Variants in CHN1 observed in about 807,000 individuals in gnomAD.
CHN1 encodes N-chimaerin.
Under a neutral mutation model 59.5 loss-of-function variants are expected in CHN1, and 37 were observed. The ratio of observed to expected loss-of-function variants is 0.62; its 90% CI spans 0.48 to 0.82. The LOEUF (loss-of-function observed/expected upper bound fraction) is 0.82, where lower values mean the gene tolerates loss of function less well. Among genes scored for constraint, CHN1 ranks in the 40% least tolerant of loss-of-function variants. The probability of loss-of-function intolerance (pLI) is 0.00; values close to 1 mark genes in which losing one functional copy is unlikely to be tolerated. For synonymous variants in CHN1, 206 were observed against 200.4 expected, an observed-to-expected ratio of 1.03 and a Z score of -0.24; for missense variants, 469 against 571.0, an observed-to-expected ratio of 0.82 and a Z score of 1.82.
At chr2:174,976,528 G>A (rs544319552) in intron 1 of CHN1, among the ~76,000 whole-genome samples, 4 of 152,180 alleles carry the variant, frequency 2.6e-5, no homozygotes, top group East Asian at 1.9e-4. Context: ...ATGAGCCACC[G>A]CACCCAGCTG....
chr2:174,971,316 T>G (rs1243465503), intron 1 of CHN1, among the ~76,000 whole-genome samples: 1 of 152,176 alleles, frequency 6.6e-6, no homozygotes, highest in Non-Finnish European at 1.5e-5. Context: ...TGACTCCGTC[T>G]CTTAAAAAAA....
At chr2:174,838,119 A>G (rs1686156254) in intron 7 of CHN1, among the ~76,000 whole-genome samples, 2 of 151,580 alleles carry the variant, frequency 1.3e-5, no homozygotes, top group African/African-American at 4.9e-5. Context: ...TTTGAGATGG[A>G]GTTTGCTCTT....
chr2:174,971,315 C>G (rs1475652094), intron 1 of CHN1, among the ~76,000 whole-genome samples: 1 of 151,866 alleles, frequency 6.6e-6, no homozygotes, highest in Non-Finnish European at 1.5e-5. Context: ...GTGACTCCGT[C>G]TCTTAAAAAA....
At chr2:174,906,753 T>C (rs1688554947) in intron 5 of CHN1, among the ~76,000 whole-genome samples, 1 of 152,174 alleles carries the variant, frequency 6.6e-6, no homozygotes, top group Admixed American at 6.5e-5. Context: ...TAGAAGGCAG[T>C]CTTTTTTGGT....
At chr2:174,963,044 CTAATA>C (rs1262595861) in intron 1 of CHN1, among the ~76,000 whole-genome samples, 1 of 151,872 alleles carries the variant, frequency 6.6e-6, no homozygotes, top group Non-Finnish European at 1.5e-5. Context: ...CTTTTCATAC[CTAATA>C]TAAAAGATAA....
At chr2:174,982,008 C>T (rs1040281990) in intron 1 of CHN1, among the ~76,000 whole-genome samples, 1 of 152,162 alleles carries the variant, frequency 6.6e-6, no homozygotes, top group Non-Finnish European at 1.5e-5. Context: ...CATGTGTTCT[C>T]ATTGTTCAAT....
In CHN1 at chr2:174,998,633, G is replaced by A. The variant is rs1691789084; in HGVS notation, c.19+6261C>T. Among the ~76,000 whole-genome samples the A allele has an allele frequency of 1.3e-5, 2 of 152,170 alleles. 1 individual carries two copies. The highest frequency in any genetic ancestry group is 4.1e-4 in the South Asian group (2 of 4,832). ...CTCTATGCCAGGCCACTGAGCAGCT[G>A]GTGACATGCTGGCCTGACTCATCTT... On this transcript the variant is annotated intron_variant, in intron 1 of 12. Coordinates refer to ENST00000409900, the MANE Select transcript of CHN1 (RefSeq NM_001822.7).
intron 3 of CHN1, among the ~76,000 whole-genome samples, chr2:174,919,508 G>A (rs1688944558): frequency 1.3e-5 from 2 of 152,160 alleles, no homozygotes; most frequent in Non-Finnish European, 1.5e-5. Context: ...TATTTACTAT[G>A]TGTTTTAGTT....
At chr2:174,912,452 A>G (rs991190787) in intron 5 of CHN1, among the ~76,000 whole-genome samples, 1 of 152,198 alleles carries the variant, frequency 6.6e-6, no homozygotes, top group East Asian at 1.9e-4. Context: ...TTTGGGAGAA[A>G]AGTGTTGAGT....
chr2:174,856,366 T>C (rs900424524), intron 6 of CHN1, among the ~76,000 whole-genome samples: 6 of 152,246 alleles, frequency 3.9e-5, no homozygotes, highest in Non-Finnish European at 5.9e-5. Context: ...ATAAGGCACA[T>C]CAGTGCATCC....
intron 6 of CHN1, among the ~76,000 whole-genome samples, chr2:174,858,911 G>C (rs1461717451): frequency 6.8e-6 from 1 of 147,488 alleles, no homozygotes; most frequent in Non-Finnish European, 1.5e-5. Context: ...AAAGATTAAA[G>C]GATGATTAAT....
chr2:174,811,988 T>C (rs1685092029), intron 9 of CHN1: 4 of 260,338 alleles, frequency 1.5e-5, no homozygotes, highest in Non-Finnish European at 2.9e-5. Context: ...ATTTATACTT[T>C]TGCTTTTTGA....
intron 6 of CHN1, among the ~76,000 whole-genome samples, chr2:174,867,945 T>C (rs898842751): frequency 1.3e-5 from 2 of 152,186 alleles, no homozygotes; most frequent in African/African-American, 2.4e-5. Flanking sequence ...GCAATGAACA[T>C]GGGTTACTTA....
intron 1 of CHN1, among the ~76,000 whole-genome samples, chr2:174,956,112 T>G (rs1690195860): frequency 6.6e-6 from 1 of 152,184 alleles, no homozygotes; most frequent in Non-Finnish European, 1.5e-5. Context: ...AAATAACTTT[T>G]CCATTGGAGA....
At chr2:174,963,330 T>C (rs998908688) in intron 1 of CHN1, among the ~76,000 whole-genome samples, 3 of 152,212 alleles carry the variant, frequency 2.0e-5, no homozygotes, top group Non-Finnish European at 4.4e-5. Flanking sequence ...AAGTATTTGC[T>C]GAACTGATGA....
intron 1 of CHN1, among the ~76,000 whole-genome samples, chr2:174,997,984 C>T (rs769675186): frequency 4.9e-5 from 7 of 141,430 alleles, no homozygotes; most frequent in Non-Finnish European, 9.1e-5. Context: ...AAGACTCTGT[C>T]TCGGGGGCGC....
At chr2:174,854,854 T>C (rs967568973) in intron 6 of CHN1, among the ~76,000 whole-genome samples, 3 of 152,154 alleles carry the variant, frequency 2.0e-5, no homozygotes, top group South Asian at 2.1e-4. Flanking sequence ...CCTACGGCCA[T>C]TGTTCTATGC....
intron 7 of CHN1, chr2:174,837,378 T>C (rs1686122907): frequency 6.6e-6 from 1 of 152,220 alleles, no homozygotes; most frequent in African/African-American, 2.4e-5. Context: ...AGGCCTGATT[T>C]GGGCAAATCC....
intron 5 of CHN1, among the ~76,000 whole-genome samples, chr2:174,883,898 A>C (rs1227610649): frequency 6.6e-6 from 1 of 151,912 alleles, no homozygotes; most frequent in East Asian, 1.9e-4. Flanking sequence ...AAGAACAAAA[A>C]GACAAAAAGA....
Sources: gnomAD v4.1 joint callset for allele counts (sites outside exome capture counted in the v4.1 genomes callset) on GRCh38, gnomAD v4.1.1 for gene constraint, MANE v1.5 for transcripts, NCBI Gene and HGNC (gene_info 2026-07-23, HGNC 2026-07-21) for gene names.